Variants in AFF4 observed in about 807,000 individuals in gnomAD.
AFF4 encodes the protein ALF transcription elongation factor 4.
A neutral mutation model predicts 124.8 loss-of-function variants in AFF4; 13 were observed. The observed-to-expected ratio is 0.10, with a 90% CI of 0.07 to 0.17. AFF4 has a LOEUF of 0.17. Among genes scored for constraint, AFF4 ranks in the 10% least tolerant of loss-of-function variants. AFF4 has a pLI of 1.00. For synonymous variants in AFF4, 477 were observed against 496.1 expected, an observed-to-expected ratio of 0.96 and a Z score of 0.51; for missense variants, 1,092 against 1,403.8, an observed-to-expected ratio of 0.78 and a Z score of 3.55.
At chr5:132,910,230 T>C (rs1488896304) in intron 5 of AFF4, among the ~76,000 whole-genome samples, 2 of 152,140 alleles carry the variant, frequency 1.3e-5, no homozygotes, top group Non-Finnish European at 2.9e-5. Flanking sequence ...GGGATTGAAT[T>C]GTTTTTGTTT....
At chr5:132,942,149 A>C (rs1471410428) in intron 1 of AFF4, among the ~76,000 whole-genome samples, 1 of 152,138 alleles carries the variant, frequency 6.6e-6, no homozygotes, top group Non-Finnish European at 1.5e-5. Context: ...TTTGATGTCA[A>C]TCCCAAGTCC....
At chr5:132,954,216 C>A (rs571648258) in intron 1 of AFF4, among the ~76,000 whole-genome samples, 14 of 152,320 alleles carry the variant, frequency 9.2e-5, no homozygotes, top group African/African-American at 3.4e-4. Context: ...TGAAAGAAAA[C>A]CATTTCACCT....
At chr5:132,887,028 G>C (rs575588597) in intron 17 of AFF4, among the ~76,000 whole-genome samples, 3 of 152,214 alleles carry the variant, frequency 2.0e-5, no homozygotes, top group Non-Finnish European at 4.4e-5. Context: ...TCTCACACTA[G>C]ACTATACTCC....
chr5:132,908,257 AT>A (rs1447224090), intron 5 of AFF4, among the ~76,000 whole-genome samples: 1 of 152,150 alleles, frequency 6.6e-6, no homozygotes, highest in Non-Finnish European at 1.5e-5. Context: ...ATTAAATACC[AT>A]TTTTAGAGTA....
chr5:132,940,261 T>C (rs1248887846), intron 1 of AFF4, among the ~76,000 whole-genome samples: 3 of 149,622 alleles, frequency 2.0e-5, no homozygotes, highest in Non-Finnish European at 4.4e-5. Context: ...GCAATTTGGG[T>C]GGCGGAGGCG....
At chr5:132,910,236 T>G (rs571139337) in intron 5 of AFF4, among the ~76,000 whole-genome samples, 3 of 152,222 alleles carry the variant, frequency 2.0e-5, no homozygotes, top group Non-Finnish European at 4.4e-5. Flanking sequence ...GAATTGTTTT[T>G]GTTTTTAAAT....
chr5:132,936,585 T>A (rs1031045171), intron 2 of AFF4, among the ~76,000 whole-genome samples: 5 of 152,158 alleles, frequency 3.3e-5, no homozygotes, highest in Non-Finnish European at 7.3e-5. Context: ...ATATCACACT[T>A]AAAGAACACC....
rs1448576369 is a variant in AFF4, at chr5:132,877,449, T to C, written c.*3610A>G. 1 of 215,938 alleles carries C rather than the reference T, an allele frequency of 4.6e-6. No individual in the cohort carries two copies. The highest frequency in any genetic ancestry group is 9.3e-6 in the Non-Finnish European group (1 of 107,042). The allele number at this position is 215,938 out of a possible 1,614,324, so 13.4% of individuals were successfully genotyped here. On this transcript the variant is annotated 3_prime_UTR_variant, in exon 21 of 21. Coordinates refer to ENST00000265343, the MANE Select transcript of AFF4 (RefSeq NM_014423.4). The stretch of plus-strand genomic sequence containing the variant: ...TGTCTTAGATCAATTTAATAAATAA[T>C]GTGGAAATAGTTGCACTAAGCTAAA...
chr5:132,898,241 C>T lies in AFF4; in HGVS notation c.1378G>A (p.Ala460Thr). 1.2e-6 allele frequency: 2 copies of T among 1,614,126 alleles called. No homozygotes were observed. The highest frequency in any genetic ancestry group is 8.5e-7 in the Non-Finnish European group (1 of 1,179,990). ...DSEANEPSQSASPEPEPPPTN... is the reference protein window; with the variant it reads ...DSEANEPSQSTSPEPEPPPTN... ...CGCCTCTGTCTCACCTCGGGAGATG[C>T]ACTCTGGGATGGCTCATTTGCCTCA... Residue 460 changes from alanine (A) to threonine (T), a missense_variant, in exon 10 of 21, where the codon GCA (alanine) becomes ACA (threonine). Transcript: ENST00000265343.
intron 7 of AFF4, 137 bp from the exon 8 acceptor site, chr5:132,899,778 G>T: frequency 1.6e-6 from 1 of 637,256 alleles, no homozygotes; most frequent in Non-Finnish European, 2.6e-6. Flanking sequence ...ACACCAGTAA[G>T]TCTTATTCTA....
intron 5 of AFF4, among the ~76,000 whole-genome samples, chr5:132,909,932 G>A (rs2150081653): frequency 6.6e-6 from 1 of 152,318 alleles, no homozygotes; most frequent in East Asian, 1.9e-4. Context: ...AAGCACCTAG[G>A]TAAAGAGGTT....
rs1047689591 is a variant in AFF4 at position 132,896,957 on chromosome 5, T to G, written c.1673A>C (p.Gln558Pro). Residue 558 changes from glutamine to proline, a missense_variant, in exon 11 of 21, where the codon CAG (glutamine) becomes CCG (proline). By Grantham distance (76) the Gln-to-Pro change is moderately conservative. Transcript: ENST00000265343. The part of the protein sequence containing the change: ...KSPAQSDSTT[Q>P]RRTVGKKQPK... ...TTGTTTTTTGCCTACAGTTCTTCTCTGTGTTGTGCTGTCACTCTGTGCAGG... is the reference window on the plus strand; with the variant it reads ...TTGTTTTTTGCCTACAGTTCTTCTCGGTGTTGTGCTGTCACTCTGTGCAGG... 103 of 1,614,098 alleles carry G rather than the reference T, an allele frequency of 6.4e-5. No homozygotes were observed. The highest frequency in any genetic ancestry group is 8.1e-5 in the Non-Finnish European group (96 of 1,180,042).
intron 4 of AFF4, among the ~76,000 whole-genome samples, chr5:132,928,737 A>C (rs1160789303): frequency 6.6e-6 from 1 of 152,216 alleles, no homozygotes; most frequent in Non-Finnish European, 1.5e-5. Flanking sequence ...TATTTTATTA[A>C]GTGACAAAGA....
intron 5 of AFF4, among the ~76,000 whole-genome samples, chr5:132,920,866 G>A (rs1012200116): frequency 1.3e-4 from 20 of 152,032 alleles, no homozygotes; most frequent in African/African-American, 4.6e-4. Context: ...AGTGGCTCAC[G>A]CCTATAATCC....
Position 132,963,567 on chromosome 5 carries a change from G to A in AFF4, c.-313C>T. ...GCGGGTTAACGAAGACCTGGCACCA[G>A]GATCCCCGCCCCGTCCGCTGGCGGC... On this transcript the variant is annotated 5_prime_UTR_variant, in exon 1 of 21. Transcript: ENST00000265343. The A allele has an allele frequency of 2.5e-6, 1 of 398,058 alleles. No individual in the cohort carries two copies. Among genetic ancestry groups the A allele is most frequent in the Non-Finnish European group, 4.4e-6 (1 of 225,740 alleles). 24.7% of individuals were successfully genotyped at this position (398,058 alleles called of 1,614,324 possible).
chr5:132,929,903 G>A (rs1039650122), intron 4 of AFF4, among the ~76,000 whole-genome samples: 1 of 152,192 alleles, frequency 6.6e-6, no homozygotes, highest in East Asian at 1.9e-4. Flanking sequence ...TGAGGCCTCT[G>A]TTATAATTAC....
intron 1 of AFF4, chr5:132,945,057 TC>T: frequency 1.0e-5 from 2 of 194,940 alleles, no homozygotes; most frequent in South Asian, 1.1e-4. Context: ...ATGAATATCA[TC>T]CCTAATACCT....
chr5:132,934,442 T>C lies in AFF4; in HGVS notation c.623A>G (p.Gln208Arg). Residue 208 changes from glutamine (Q) to arginine (R), a missense_variant, in exon 3 of 21, where the codon CAA becomes CGA. Coordinates refer to ENST00000265343, the MANE Select transcript of AFF4 (RefSeq NM_014423.4). ...AGGGTCCCGAGGTGATTTGGAGCGT[T>C]GATGTTCCTTGCTATGGTGATCATT... ...HGNDHHSKEH[Q>R]RSKSPRDPDA... The C allele has an allele frequency of 6.2e-7, 1 of 1,614,168 alleles. No homozygotes were observed. Among genetic ancestry groups the C allele is most frequent in the Non-Finnish European group, 8.5e-7 (1 of 1,180,022 alleles).
intron 11 of AFF4, among the ~76,000 whole-genome samples, chr5:132,895,199 C>A (rs10043647): frequency 0.21 from 31,397 of 151,750 alleles, 3,537 homozygotes; most frequent in African/African-American, 0.29. Context: ...CATCTCTATA[C>A]TATGATAATG....
Sources: allele counts gnomAD v4.1 joint callset (sites outside exome capture counted in the v4.1 genomes callset), GRCh38; gene constraint gnomAD v4.1.1; transcripts MANE v1.5; gene names NCBI Gene and HGNC (gene_info 2026-07-23, HGNC 2026-07-21).